TDRP: variants seen among roughly 807,000 people sequenced by gnomAD.
TDRP encodes the protein testis development-related protein.
Under a neutral mutation model 10.5 loss-of-function variants are expected in TDRP, and 12 were observed. The ratio of observed to expected loss-of-function variants is 1.15; its 90% CI spans 0.73 to 1.86. TDRP has a LOEUF of 1.86. Among genes scored for constraint, TDRP ranks in the 40% most tolerant of loss-of-function variants. The probability of loss-of-function intolerance (pLI) is 0.00; values close to 1 mark genes in which losing one functional copy is unlikely to be tolerated. For synonymous variants in TDRP, 139 were observed against 95.4 expected, an observed-to-expected ratio of 1.46 and a Z score of -2.67; for missense variants, 353 against 229.2, an observed-to-expected ratio of 1.54 and a Z score of -3.49.
upstream of TDRP, chr8:545,009 G>A: frequency 3.5e-6 from 1 of 285,362 alleles, no homozygotes; most frequent in Non-Finnish European, 6.3e-6. Flanking sequence ...CCCTCCTCAG[G>A]ACCAGGCCCG....
chr8:503,504 G>C (rs1292247043), intron 1 of TDRP, among the ~76,000 whole-genome samples: 1 of 149,442 alleles, frequency 6.7e-6, no homozygotes, highest in African/African-American at 2.5e-5. Flanking sequence ...GCCCACCTCA[G>C]CACACACCAA....
intron 1 of TDRP, among the ~76,000 whole-genome samples, chr8:542,786 C>A (rs1802533458): frequency 1.3e-5 from 2 of 150,400 alleles, no homozygotes; most frequent in South Asian, 4.2e-4. Flanking sequence ...TCACTTGAAC[C>A]CGGGAGGGTG....
At chr8:493,196 T>A (rs1420169832) in intron 2 of TDRP, among the ~76,000 whole-genome samples, 2 of 152,142 alleles carry the variant, frequency 1.3e-5, no homozygotes, top group Non-Finnish European at 2.9e-5. Context: ...TCAACAAAAA[T>A]AAGAATTCAG....
chr8:539,290 C>A (rs939332573), intron 1 of TDRP, among the ~76,000 whole-genome samples: 3 of 152,160 alleles, frequency 2.0e-5, no homozygotes, highest in Non-Finnish European at 2.9e-5. Flanking sequence ...GGAGCTCCCT[C>A]TGCCTTGAGA....
In TDRP at chr8:527,176, A is replaced by T. The variant is rs56058305; in HGVS notation, c.108+17474T>A. ...GAAAAAATAAAATTAAAAAAGTACAAAAAAAATTAAATACCTAAGAAGTAA... is the reference window on the plus strand; with the variant it reads ...GAAAAAATAAAATTAAAAAAGTACATAAAAAATTAAATACCTAAGAAGTAA... On this transcript the variant is annotated intron_variant, in intron 1 of 2. Coordinates refer to ENST00000324079, the MANE Select transcript of TDRP (RefSeq NM_001384899.1). Among the ~76,000 whole-genome samples, 1,365 of 152,258 alleles carry T rather than the reference A, an allele frequency of 9.0e-3. 21 individuals carry two copies. Among genetic ancestry groups the T allele is most frequent in the African/African-American group, 0.032 (1,310 of 41,564 alleles).
At chr8:538,243 G>A (rs1563133591) in intron 1 of TDRP, among the ~76,000 whole-genome samples, 1 of 152,112 alleles carries the variant, frequency 6.6e-6, no homozygotes, top group Non-Finnish European at 1.5e-5. Flanking sequence ...GCTACAGGTG[G>A]GCCAAGAACT....
In TDRP at chr8:491,875, T is replaced by G. The variant is rs1222407690; in HGVS notation, c.*524A>C. 4.2e-6 allele frequency: 5 copies of G among 1,198,532 alleles called. No individual in the cohort carries two copies. Among genetic ancestry groups the G allele is most frequent in the Non-Finnish European group, 5.2e-6 (5 of 966,572 alleles). The allele number at this position is 1,198,532 out of a possible 1,614,324, so 74.2% of individuals were successfully genotyped here. ...ATATAAGCTTTGCTTTTCCAGTATTTGTTTACGTATTTGTTTAATAAGAAC... is the reference window on the plus strand; with the variant it reads ...ATATAAGCTTTGCTTTTCCAGTATTGGTTTACGTATTTGTTTAATAAGAAC... On this transcript the variant is annotated 3_prime_UTR_variant, in exon 3 of 3. Transcript: ENST00000324079.
chr8:500,812 C>T (rs1335026320), intron 1 of TDRP, among the ~76,000 whole-genome samples: 3 of 152,176 alleles, frequency 2.0e-5, no homozygotes, highest in African/African-American at 7.2e-5. Flanking sequence ...CACAGCAAGG[C>T]TGAACAGTGA....
chr8:506,596 A>C (rs146763488), intron 1 of TDRP, among the ~76,000 whole-genome samples: 2 of 152,254 alleles, frequency 1.3e-5, no homozygotes, highest in Non-Finnish European at 2.9e-5. Context: ...TGGGCTCGAG[A>C]GGTGACGGTT....
At chr8:508,834 GCAAGTCC>G (rs955656148) in intron 1 of TDRP, among the ~76,000 whole-genome samples, 1 of 152,130 alleles carries the variant, frequency 6.6e-6, no homozygotes, top group African/African-American at 2.4e-5. Flanking sequence ...CTGAGACAAG[GCAAGTCC>G]CTTTTGCCTA....
At chr8:511,207 T>C (rs967407202) in intron 1 of TDRP, among the ~76,000 whole-genome samples, 2 of 152,076 alleles carry the variant, frequency 1.3e-5, no homozygotes, top group Admixed American at 6.5e-5. Flanking sequence ...ATTTTTAAAA[T>C]ACAATCCAAC....
chr8:513,898 A>G (rs560175619), intron 1 of TDRP, among the ~76,000 whole-genome samples: 1 of 152,372 alleles, frequency 6.6e-6, no homozygotes, highest in East Asian at 1.9e-4. Context: ...TCCAGTTACA[A>G]TTACATCAAA....
chr8:492,288 A>G lies in TDRP; in HGVS notation c.*111T>C, dbSNP rs1429535873. On this transcript the variant is annotated 3_prime_UTR_variant, in exon 3 of 3. Transcript: ENST00000324079. ...AGAAACAGAGGTCCAAATATCAAATATAGGCAAAAAGTAGACTCTCTATTC... is the reference window on the plus strand; with the variant it reads ...AGAAACAGAGGTCCAAATATCAAATGTAGGCAAAAAGTAGACTCTCTATTC... 2.2e-6 allele frequency: 3 copies of G among 1,346,848 alleles called. No homozygotes were observed. Among genetic ancestry groups the G allele is most frequent in the African/African-American group, 1.5e-5 (1 of 67,410 alleles). The allele number at this position is 1,346,848 out of a possible 1,614,324, so 83.4% of individuals were successfully genotyped here.
chr8:493,477 A>C (rs1443030696), intron 2 of TDRP, among the ~76,000 whole-genome samples: 2 of 152,276 alleles, frequency 1.3e-5, no homozygotes, highest in Non-Finnish European at 2.9e-5. Flanking sequence ...CTCAGTGCAC[A>C]GAAGTGCAGA....
intron 1 of TDRP, among the ~76,000 whole-genome samples, chr8:532,258 T>C (rs903813221): frequency 4.6e-5 from 7 of 152,198 alleles, no homozygotes; most frequent in African/African-American, 1.7e-4. Context: ...CACTCAGTCA[T>C]GAGCCTTGCA....
At chr8:506,406 C>G (rs1801466339) in intron 1 of TDRP, among the ~76,000 whole-genome samples, 1 of 152,182 alleles carries the variant, frequency 6.6e-6, no homozygotes, top group Non-Finnish European at 1.5e-5. Flanking sequence ...CGACTTTCAT[C>G]CCAGGAGGAA....
chr8:497,558 A>G (rs2116724097), intron 1 of TDRP, among the ~76,000 whole-genome samples: 1 of 152,348 alleles, frequency 6.6e-6, no homozygotes, highest in Admixed American at 6.5e-5. Context: ...CAAGCAGAGC[A>G]TACAAGTTTG....
chr8:493,623 C>A (rs1278257936), intron 2 of TDRP, among the ~76,000 whole-genome samples: 1 of 152,256 alleles, frequency 6.6e-6, no homozygotes, highest in African/African-American at 2.4e-5. Flanking sequence ...TGGGTAGTCA[C>A]TGAACTTACA....
At chr8:496,933 C>T (rs1801153309) in intron 1 of TDRP, among the ~76,000 whole-genome samples, 1 of 152,226 alleles carries the variant, frequency 6.6e-6, no homozygotes, top group African/African-American at 2.4e-5. Context: ...ATAAGATGTG[C>T]CTTGCTTCCA....
Sources: allele counts gnomAD v4.1 joint callset (sites outside exome capture counted in the v4.1 genomes callset), GRCh38; gene constraint gnomAD v4.1.1; transcripts MANE v1.5; gene names NCBI Gene and HGNC (gene_info 2026-07-23, HGNC 2026-07-21).